The following TENM2 variants were observed in gnomAD, a reference collection of about 807,000 sequenced individuals.
TENM2 encodes teneurin transmembrane protein 2.
In TENM2, 52 loss-of-function variants were observed where a neutral mutation model predicts 245.2. The ratio of observed to expected loss-of-function variants is 0.21; its 90% CI spans 0.17 to 0.27. The LOEUF is 0.27. Among genes scored for constraint, TENM2 ranks in the 10% least tolerant of loss-of-function variants. The pLI is 1.00. For missense variants in TENM2, 3,046 were observed against 3,666.8 expected (o/e 0.83, Z 4.37); for synonymous variants, 1,363 against 1,438.9 (o/e 0.95, Z 1.19).
rs777170514 is a variant in TENM2, at chr5:167,853,289, C to CAAAAAAAAAAAAAAAAAAAAAA, written c.503-22695_503-22674dup. Among the ~76,000 whole-genome samples, 29 of 24,618 alleles carry CAAAAAAAAAAAAAAAAAAAAAA rather than the reference C, an allele frequency of 1.2e-3. 2 individuals are homozygous for CAAAAAAAAAAAAAAAAAAAAAA. The highest frequency in any genetic ancestry group is 1.9e-3 in the East Asian group (2 of 1,040). 16.2% of individuals were successfully genotyped at this position (24,618 alleles called of 152,430 possible). ...TGGGAGACAGAGCGAGACTCCGTCTCAAAAAAAAAAAAAAAAAAAAAAAGA... is the reference window on the plus strand; with the variant it reads ...TGGGAGACAGAGCGAGACTCCGTCTCAAAAAAAAAAAAAAAAAAAAAAAAAAAAAAAAAAAAAAAAAAAAAGA... On this transcript the variant is annotated intron_variant, in intron 2 of 28. Transcript: ENST00000518659.
intron 3 of TENM2, among the ~76,000 whole-genome samples, chr5:167,907,259 A>G (rs1243314401): frequency 6.6e-6 from 1 of 151,342 alleles, no homozygotes; most frequent in Non-Finnish European, 1.5e-5. Context: ...AAATAAATAA[A>G]TAACATAAAA....
intron 2 of TENM2, among the ~76,000 whole-genome samples, chr5:167,472,426 A>G (rs2127513769): frequency 6.6e-6 from 1 of 152,368 alleles, no homozygotes; most frequent in South Asian, 2.1e-4. Flanking sequence ...GACAGTGGCT[A>G]GAACACTAGA....
the TENM2 span, among the ~76,000 whole-genome samples, chr5:167,162,186 C>A: frequency 8.7e-5 from 13 of 149,002 alleles, no homozygotes; most frequent in Admixed American, 2.7e-4. Flanking sequence ...AAAAAAAAAA[C>A]CAAAGACTGA....
chr5:168,034,104 TGTATAC>T (rs1260648568), intron 5 of TENM2, among the ~76,000 whole-genome samples: 2 of 125,390 alleles, frequency 1.6e-5, no homozygotes, highest in East Asian at 2.0e-4. Flanking sequence ...TATATATATA[TGTATAC>T]ATATATATGT....
chr5:167,268,588 C>T, the TENM2 span, among the ~76,000 whole-genome samples: 2 of 152,224 alleles, frequency 1.3e-5, no homozygotes, highest in South Asian at 4.1e-4. Flanking sequence ...TTCCAAATGT[C>T]TTGCTTTTGT....
intron 2 of TENM2, among the ~76,000 whole-genome samples, chr5:167,494,197 A>G (rs575114080): frequency 7.9e-5 from 12 of 152,264 alleles, no homozygotes; most frequent in African/African-American, 2.9e-4. Context: ...GATGGAGAAC[A>G]CAAGATGACC....
intron 2 of TENM2, among the ~76,000 whole-genome samples, chr5:167,411,602 G>GTGTGTGTGTGTGTGTA (rs1762913993): frequency 1.3e-5 from 2 of 148,402 alleles, no homozygotes; most frequent in Non-Finnish European, 1.5e-5. Flanking sequence ...GTGTGTGTGT[G>GTGTGTGTGTGTGTGTA]TGTGTGTATG....
At chr5:167,905,272 T>C (rs1403492695) in intron 3 of TENM2, among the ~76,000 whole-genome samples, 2 of 152,194 alleles carry the variant, frequency 1.3e-5, no homozygotes, top group Non-Finnish European at 2.9e-5. Flanking sequence ...CCTCATCGTT[T>C]TGTGGCTGGG....
chr5:167,360,233 C>T (rs1006072871), intron 1 of TENM2, among the ~76,000 whole-genome samples: 5 of 152,164 alleles, frequency 3.3e-5, no homozygotes, highest in African/African-American at 7.2e-5. Flanking sequence ...GGCACTGTAT[C>T]GCCCTAAAAA....
At chr5:167,829,524 C>A (rs2151085121) in intron 2 of TENM2, among the ~76,000 whole-genome samples, 1 of 152,206 alleles carries the variant, frequency 6.6e-6, no homozygotes, top group East Asian at 1.9e-4. Flanking sequence ...CTCTAGAGGC[C>A]CATGAATTCC....
At chr5:166,990,384 T>C in the TENM2 span, among the ~76,000 whole-genome samples, 2 of 152,216 alleles carry the variant, frequency 1.3e-5, no homozygotes, top group Non-Finnish European at 2.9e-5. Flanking sequence ...AGTCCTTGGA[T>C]GTTACATTCT....
At chr5:167,464,829 A>AATTTCTC (rs1766539800) in intron 2 of TENM2, among the ~76,000 whole-genome samples, 1 of 152,242 alleles carries the variant, frequency 6.6e-6, no homozygotes, top group African/African-American at 2.4e-5. Flanking sequence ...GCAAGAGATT[A>AATTTCTC]ATTTCTCTCT....
intron 2 of TENM2, among the ~76,000 whole-genome samples, chr5:167,665,513 C>T (rs2150336285): frequency 6.6e-6 from 1 of 152,054 alleles, no homozygotes; most frequent in African/African-American, 2.4e-5. Context: ...CTAAATAAAT[C>T]ACAAACTTTT....
chr5:167,138,099 C>T, the TENM2 span, among the ~76,000 whole-genome samples: 95 of 152,344 alleles, frequency 6.2e-4, no homozygotes, highest in African/African-American at 2.1e-3. Context: ...AGGGAAGCAG[C>T]CGCTGAGGCT....
chr5:167,585,535 A>C (rs994473163), intron 2 of TENM2, among the ~76,000 whole-genome samples: 1 of 152,178 alleles, frequency 6.6e-6, no homozygotes, highest in Non-Finnish European at 1.5e-5. Flanking sequence ...CTATGGGACC[A>C]TGTCACTTTA....
chr5:167,506,019 TA>T (rs113853904), intron 2 of TENM2, among the ~76,000 whole-genome samples: 73 of 149,282 alleles, frequency 4.9e-4, no homozygotes, highest in South Asian at 8.5e-4. Context: ...CATGTTTAAT[TA>T]AAAAAAAAAT....
In TENM2 at chr5:167,900,831, G is replaced by C. The variant is rs528584827; in HGVS notation, c.712+24636G>C. ...GCAGGAAGACTGGAGTGATTGGGGT[G>C]GGGGGGTGAGGTGGGATTGAGGCCT... is the stretch of plus-strand genomic sequence containing the variant. On this transcript the variant is annotated intron_variant, in intron 3 of 28. Coordinates refer to ENST00000518659, the Ensembl canonical transcript of TENM2. Among the ~76,000 whole-genome samples, 12 of 151,492 alleles carry C rather than the reference G, an allele frequency of 7.9e-5. No individual in the cohort carries two copies. The South Asian group carries it at 1.0e-3, about 13-fold the overall frequency.
the TENM2 span, among the ~76,000 whole-genome samples, chr5:167,043,130 A>G: frequency 6.6e-6 from 1 of 152,178 alleles, no homozygotes; most frequent in African/African-American, 2.4e-5. Flanking sequence ...TTACCTGTTC[A>G]TTTGCTTAAG....
the TENM2 span, chr5:167,116,309 G>T: frequency 6.1e-4 from 93 of 152,360 alleles, no homozygotes; most frequent in African/African-American, 2.2e-3. Flanking sequence ...GTTTGGGCCA[G>T]GCTGTTGCAG....
Sources: gnomAD v4.1 joint callset for allele counts (sites outside exome capture counted in the v4.1 genomes callset) on GRCh38, gnomAD v4.1.1 for gene constraint, MANE v1.5 for transcripts, NCBI Gene and HGNC (gene_info 2026-07-23, HGNC 2026-07-21) for gene names.